HERC3: variants seen among roughly 807,000 people sequenced by gnomAD.
HERC3 encodes probable E3 ubiquitin-protein ligase HERC3.
HERC3 carries 58 observed loss-of-function variants against 129.9 expected under a neutral mutation model. The ratio of observed to expected loss-of-function variants is 0.45; its 90% CI spans 0.36 to 0.56. The LOEUF (loss-of-function observed/expected upper bound fraction) is 0.56. Ranked by LOEUF, HERC3 falls within the 20% of genes least tolerant of loss-of-function variation. HERC3 has a pLI of 0.00. For missense variants in HERC3, 835 were observed against 1,244.2 expected (o/e 0.67, Z 4.95); for synonymous variants, 430 against 451.0 (o/e 0.95, Z 0.59).
chr4:88,675,544 T>C (rs1240031110), intron 16 of HERC3, among the ~76,000 whole-genome samples: 2 of 152,292 alleles, frequency 1.3e-5, no homozygotes, highest in African/African-American at 4.8e-5. Context: ...ATTAAGTTAA[T>C]GTTTGTTACG....
At chr4:88,664,630 T>C (rs17014374) in intron 12 of HERC3, among the ~76,000 whole-genome samples, 6,666 of 152,276 alleles carry the variant, frequency 0.044, 183 homozygotes, top group Middle Eastern at 0.12. Flanking sequence ...AAATAATTGG[T>C]AGAATCATCA....
chr4:88,658,716 A>C (rs1730177859), intron 10 of HERC3, among the ~76,000 whole-genome samples: 1 of 152,144 alleles, frequency 6.6e-6, no homozygotes, highest in Admixed American at 6.5e-5. Flanking sequence ...TTATAATTTG[A>C]AATTATTTAT....
chr4:88,684,669 C>T (rs1385782943), intron 21 of HERC3, among the ~76,000 whole-genome samples: 1 of 152,146 alleles, frequency 6.6e-6, no homozygotes, highest in Non-Finnish European at 1.5e-5. Context: ...AAGAAACTAT[C>T]AGCAGAGGGA....
upstream of HERC3, among the ~76,000 whole-genome samples, chr4:88,587,935 T>C (rs1200003373): frequency 6.6e-6 from 1 of 152,234 alleles, no homozygotes; most frequent in Non-Finnish European, 1.5e-5. Context: ...AAGGGACTTT[T>C]TAAAAGGAGG....
At chr4:88,691,090 A>G (rs1271831912) in intron 23 of HERC3, among the ~76,000 whole-genome samples, 1 of 152,248 alleles carries the variant, frequency 6.6e-6, no homozygotes, top group Admixed American at 6.5e-5. Flanking sequence ...GAAAGTAGAG[A>G]AGAGGATATA....
intron 18 of HERC3, among the ~76,000 whole-genome samples, chr4:88,677,423 C>G (rs1312544109): frequency 6.6e-6 from 1 of 152,052 alleles, no homozygotes; most frequent in African/African-American, 2.4e-5. Context: ...GATACAGATA[C>G]ATAACTTCAT....
chr4:88,604,241 A>C (rs1418672066), intron 2 of HERC3, among the ~76,000 whole-genome samples: 1 of 151,924 alleles, frequency 6.6e-6, no homozygotes, highest in Non-Finnish European at 1.5e-5. Context: ...CTGGTGTGGA[A>C]CTCCCGACCT....
chr4:88,625,477 G>A (rs1024764608), intron 3 of HERC3, among the ~76,000 whole-genome samples: 2 of 151,732 alleles, frequency 1.3e-5, no homozygotes, highest in Non-Finnish European at 2.9e-5. Context: ...TTAATTTCTA[G>A]TATTTTGTTA....
intron 3 of HERC3, among the ~76,000 whole-genome samples, chr4:88,648,136 T>C (rs1271040722): frequency 1.3e-5 from 2 of 152,216 alleles, no homozygotes; most frequent in Admixed American, 1.3e-4. Context: ...AATTTTTTTT[T>C]CCACAGTAAC....
At chr4:88,619,542 T>A (rs1725287906) in intron 3 of HERC3, among the ~76,000 whole-genome samples, 1 of 151,992 alleles carries the variant, frequency 6.6e-6, no homozygotes, top group African/African-American at 2.4e-5. Context: ...GAAAAAAAAT[T>A]AGGGGAATGT....
At chr4:88,532,070 A>T in the HERC3 span, among the ~76,000 whole-genome samples, 2 of 152,340 alleles carry the variant, frequency 1.3e-5, no homozygotes, top group East Asian at 3.9e-4. Flanking sequence ...TCCTACACTG[A>T]ACCCTGACTG....
chr4:88,640,339 G>T (rs1389284474), intron 3 of HERC3, among the ~76,000 whole-genome samples: 1 of 152,110 alleles, frequency 6.6e-6, no homozygotes, highest in African/African-American at 2.4e-5. Context: ...GCCCATCAAT[G>T]ATAGACTGGA....
rs1038537634 is a variant in HERC3 at position 88,692,756 on chromosome 4, C to G, written c.2657+5457C>G. On this transcript the variant is annotated intron_variant, in intron 23 of 25. Coordinates refer to ENST00000402738, the MANE Select transcript of HERC3 (RefSeq NM_014606.3). ...GGCATAAGTCTCTTGTTCAACGTTA[C>G]ACAGCTAGAAGTCCAGGATTCTAAA... 6 of 244,284 alleles carry G rather than the reference C, an allele frequency of 2.5e-5. No homozygotes were observed. In the East Asian group the frequency reaches 5.4e-4, roughly 22 times the overall value. 15.1% of individuals were successfully genotyped at this position (244,284 alleles called of 1,614,324 possible).
At chr4:88,641,700 T>G (rs1179091798) in intron 3 of HERC3, among the ~76,000 whole-genome samples, 1 of 152,186 alleles carries the variant, frequency 6.6e-6, no homozygotes, top group Non-Finnish European at 1.5e-5. Flanking sequence ...ATTTAACAGC[T>G]TGGATCAAAT....
At chr4:88,655,415 T>A in intron 8 of HERC3, 111 bp downstream of exon 8, 1 of 1,228,640 alleles carries the variant, frequency 8.1e-7, no homozygotes, top group East Asian at 2.4e-5. Context: ...TAAGAGATCT[T>A]AACTGCATGC....
chr4:88,635,199 CT>C (rs1379880587), intron 3 of HERC3, among the ~76,000 whole-genome samples: 1 of 152,020 alleles, frequency 6.6e-6, no homozygotes, highest in East Asian at 1.9e-4. Context: ...TAACAACAAA[CT>C]TCGCTGAGGT....
the HERC3 span, among the ~76,000 whole-genome samples, chr4:88,533,492 C>A: frequency 1.3e-5 from 2 of 152,134 alleles, no homozygotes; most frequent in East Asian, 3.8e-4. Context: ...AACGATGTCA[C>A]CTGAGACCTA....
chr4:88,543,023 G>A, the HERC3 span, among the ~76,000 whole-genome samples: 2 of 152,148 alleles, frequency 1.3e-5, no homozygotes, highest in Non-Finnish European at 2.9e-5. Context: ...TTTGAAAACT[G>A]TCACAAGACA....
chr4:88,686,131 CCT>C (rs1219764909), intron 21 of HERC3, among the ~76,000 whole-genome samples: 1 of 151,960 alleles, frequency 6.6e-6, no homozygotes, highest in Non-Finnish European at 1.5e-5. Context: ...AACTTCTTTT[CCT>C]CTCTCCATCT....
Sources: allele counts gnomAD v4.1 joint callset (sites outside exome capture counted in the v4.1 genomes callset), GRCh38; gene constraint gnomAD v4.1.1; transcripts MANE v1.5; gene names NCBI Gene and HGNC (gene_info 2026-07-23, HGNC 2026-07-21).